The following KLF16 variants were observed in gnomAD, a reference collection of about 807,000 sequenced individuals.
KLF16 encodes the protein Krueppel-like factor 16.
Under a neutral mutation model 6.1 loss-of-function variants are expected in KLF16, and 6 were observed. That is an observed-to-expected ratio of 0.98 (90% CI 0.54 to 1.93). The LOEUF (loss-of-function observed/expected upper bound fraction) is 1.93. KLF16 is among the 30% of genes most tolerant of loss of function. The probability of loss-of-function intolerance (pLI) is 0.01; values close to 1 mark genes in which losing one functional copy is unlikely to be tolerated. For synonymous variants in KLF16, 211 were observed against 176.5 expected, an observed-to-expected ratio of 1.20 and a Z score of -1.55; for missense variants, 355 against 363.8, an observed-to-expected ratio of 0.98 and a Z score of 0.20.
chr19:1,855,884 C>A (rs932300434), intron 1 of KLF16, among the ~76,000 whole-genome samples: 1 of 152,252 alleles, frequency 6.6e-6, no homozygotes, highest in Non-Finnish European at 1.5e-5. Flanking sequence ...TCCCGTGACA[C>A]CCCAGGGTGG....
intron 1 of KLF16, among the ~76,000 whole-genome samples, chr19:1,856,990 T>G: frequency 1.5e-5 from 2 of 133,434 alleles, no homozygotes; most frequent in Non-Finnish European, 3.0e-5. Context: ...GCGCAGCCGC[T>G]GGGAACACAG....
chr19:1,864,588 T>TCA (rs2012153590), upstream of KLF16, among the ~76,000 whole-genome samples: 1 of 148,676 alleles, frequency 6.7e-6, no homozygotes, highest in African/African-American at 2.4e-5. Context: ...AGGGCTGGGC[T>TCA]GGGCTGGGGG....
chr19:1,876,035 G>C, the KLF16 span: 1 of 152,300 alleles, frequency 6.6e-6, no homozygotes, highest in Non-Finnish European at 1.5e-5. Flanking sequence ...GCCGAGGGAA[G>C]GAGTGAGAGC....
the KLF16 span, among the ~76,000 whole-genome samples, chr19:1,871,673 G>A: frequency 6.6e-6 from 1 of 152,250 alleles, no homozygotes; most frequent in Middle Eastern, 3.4e-3. Context: ...GGGCGGGGGG[G>A]CAGCTGCAAG....
At position 1,863,109 on chromosome 19, in the gene KLF16, G is replaced by T; in HGVS notation, c.389C>A (p.Pro130His). 7.3e-7 allele frequency: 1 copy of T among 1,372,090 alleles called. No individual in the cohort carries two copies. The highest frequency in any genetic ancestry group is 3.4e-5 in the East Asian group (1 of 29,586). The allele number at this position is 1,372,090 out of a possible 1,614,324, so 85.0% of individuals were successfully genotyped here. A position where few individuals can be genotyped will look rare whatever the true frequency, so the allele number is the denominator to read the frequency against. Residue 130 changes from proline (P) to histidine (H), a missense_variant, in exon 1 of 2, where the codon CCC becomes CAC. Coordinates refer to ENST00000250916, the MANE Select transcript of KLF16 (RefSeq NM_031918.4). ...PSAAAKSHRCPFPDCAKAYYK... is the reference protein window; with the variant it reads ...PSAAAKSHRCHFPDCAKAYYK... ...GTAGGCTTTGGCGCAGTCCGGGAAG[G>T]GACAGCGGTGGCTCTTGGCGGCGGC...
At chr19:1,858,967 G>A (rs1379722797) in intron 1 of KLF16, among the ~76,000 whole-genome samples, 3 of 152,070 alleles carry the variant, frequency 2.0e-5, no homozygotes, top group African/African-American at 7.2e-5. Context: ...ACAACCCTGG[G>A]GGAGCCCTCC....
At chr19:1,865,328 C>T (rs1223389560), upstream of KLF16, among the ~76,000 whole-genome samples, 1 of 152,230 alleles carries the variant, frequency 6.6e-6, no homozygotes, top group East Asian at 1.9e-4. Flanking sequence ...TGTCTTTGAA[C>T]TTCTAGGACG....
At chr19:1,868,804 A>G in the KLF16 span, among the ~76,000 whole-genome samples, 1 of 152,022 alleles carries the variant, frequency 6.6e-6, no homozygotes, top group East Asian at 1.9e-4. Flanking sequence ...CACCATGCCC[A>G]GATAATTTTT....
upstream of KLF16, among the ~76,000 whole-genome samples, chr19:1,864,249 G>A (rs1314946858): frequency 1.3e-5 from 2 of 150,438 alleles, no homozygotes; most frequent in African/African-American, 4.9e-5. Context: ...GTGCGGAAGC[G>A]GCCGGCCCCG....
At chr19:1,866,055 G>A (rs1049661324), upstream of KLF16, among the ~76,000 whole-genome samples, 4 of 152,188 alleles carry the variant, frequency 2.6e-5, no homozygotes, top group Admixed American at 6.5e-5. Context: ...TGTAATCCCA[G>A]CACTTTGGGA....
rs1293413833 is a variant in KLF16 at position 1,853,079 on chromosome 19, GTCC to G, written c.*1377_*1379del. The G allele has an allele frequency of 6.6e-6, 1 of 152,002 alleles. No individual in the cohort carries two copies. The highest frequency in any genetic ancestry group is 1.5e-5 in the Non-Finnish European group (1 of 68,018). 9.4% of individuals were successfully genotyped at this position (152,002 alleles called of 1,614,324 possible). ...GGACCCTTCTCATTCCAGGCTGGGG[GTCC>G]TCAATACCCCCCCCAAGAGGAAATG... On this transcript the variant is annotated 3_prime_UTR_variant, in exon 2 of 2. Transcript: ENST00000250916.
upstream of KLF16, among the ~76,000 whole-genome samples, chr19:1,865,196 G>A (rs2145372932): frequency 6.6e-6 from 1 of 152,320 alleles, no homozygotes; most frequent in South Asian, 2.1e-4. Context: ...AAGTGTGGGA[G>A]GGTACAGGGT....
Position 1,854,367 on chromosome 19 carries a change from C to T in KLF16, c.*92G>A, listed in dbSNP as rs964746988. 27 of 1,347,602 alleles carry T rather than the reference C, an allele frequency of 2.0e-5. No homozygotes were observed. Among genetic ancestry groups the T allele is most frequent in the African/African-American group, 3.1e-5 (2 of 64,648 alleles). 83.5% of individuals were successfully genotyped at this position (1,347,602 alleles called of 1,614,324 possible). A position where few individuals can be genotyped will look rare whatever the true frequency, so the allele number is the denominator to read the frequency against. ...CAGGGGTGTCTTCAGGGTTTGCCCACGGCTGGAAGGGGCCCAGGCTCCCCG... is the reference window on the plus strand; with the variant it reads ...CAGGGGTGTCTTCAGGGTTTGCCCATGGCTGGAAGGGGCCCAGGCTCCCCG... On this transcript the variant is annotated 3_prime_UTR_variant, in exon 2 of 2. Coordinates refer to ENST00000250916, the MANE Select transcript of KLF16 (RefSeq NM_031918.4).
upstream of KLF16, chr19:1,863,615 G>A (rs2012123230): frequency 3.4e-6 from 1 of 293,630 alleles, no homozygotes; most frequent in Non-Finnish European, 5.0e-6. Flanking sequence ...GAGGCCCGGC[G>A]CGCGCCGCCG....
Position 1,857,147 on chromosome 19 carries a change from G to A in KLF16, c.458-2387C>T, listed in dbSNP as rs1417872696. On this transcript the variant is annotated intron_variant, in intron 1 of 1. Transcript: ENST00000250916. This position sits in a 1 kb window ranked among gnomAD's most constrained non-coding sequence, Gnocchi z 4.7. ...TGCCTGCCAGCCCCGCCCCGCGCTT[G>A]GAGACTGAGGCGCGCACATGCGCAC... 1.3e-5 allele frequency among the ~76,000 whole-genome samples: 2 copies of A among 152,132 alleles called. No homozygotes were observed. Among genetic ancestry groups the A allele is most frequent in the African/African-American group, 2.4e-5 (1 of 41,400 alleles).
upstream of KLF16, among the ~76,000 whole-genome samples, chr19:1,864,047 G>T (rs2012137981): frequency 1.4e-5 from 2 of 143,806 alleles, no homozygotes. Context: ...CCGAGAGCGC[G>T]CCCCGCCCCA....
chr19:1,855,557 G>T (rs931107469), intron 1 of KLF16, among the ~76,000 whole-genome samples: 4 of 152,208 alleles, frequency 2.6e-5, no homozygotes, highest in African/African-American at 7.2e-5. Flanking sequence ...CACCGCCAAG[G>T]CCGGGCCTCG....
chr19:1,866,206 G>A (rs2012186019), upstream of KLF16, among the ~76,000 whole-genome samples: 1 of 152,100 alleles, frequency 6.6e-6, no homozygotes, highest in South Asian at 2.1e-4. Context: ...TACTCAGAAG[G>A]CTGAGGCAGG....
chr19:1,860,016 G>A (rs1461167811), intron 1 of KLF16, among the ~76,000 whole-genome samples: 1 of 151,970 alleles, frequency 6.6e-6, no homozygotes, highest in Non-Finnish European at 1.5e-5. Flanking sequence ...GAAGCCCTGG[G>A]TGAGAAGAAC....
Sources: gnomAD v4.1 joint callset for allele counts (sites outside exome capture counted in the v4.1 genomes callset) on GRCh38, gnomAD v4.1.1 for gene constraint, Gnocchi (gnomAD v3.1) non-coding constraint, MANE v1.5 for transcripts, NCBI Gene and HGNC (gene_info 2026-07-23, HGNC 2026-07-21) for gene names.